Variants in TET2 observed in about 807,000 individuals in gnomAD.
TET2 encodes the protein tet methylcytosine dioxygenase 2, also known as methylcytosine dioxygenase TET2.
In TET2, 299 loss-of-function variants were observed where a neutral mutation model predicts 142.9. That is an observed-to-expected ratio of 2.09 (90% CI 1.90 to 2.30). TET2 has a LOEUF of 2.30. TET2 is among the 30% of genes most tolerant of loss of function. The pLI is 0.00. For synonymous variants in TET2, 819 were observed against 849.0 expected, an observed-to-expected ratio of 0.96 and a Z score of 0.61; for missense variants, 2,418 against 2,378.0, an observed-to-expected ratio of 1.02 and a Z score of -0.35.
intron 1 of TET2, among the ~76,000 whole-genome samples, chr4:105,186,981 T>G (rs1725494903): frequency 2.6e-5 from 4 of 152,208 alleles, no homozygotes; most frequent in South Asian, 2.1e-4. Context: ...GGGACTGTTT[T>G]GGGCATATAA....
chr4:105,211,053 T>G (rs1369498605), intron 2 of TET2, among the ~76,000 whole-genome samples: 2 of 152,104 alleles, frequency 1.3e-5, no homozygotes, highest in African/African-American at 2.4e-5. Context: ...ACACTCCTCT[T>G]GTTCACTGAG....
chr4:105,240,915 G>T (rs180784384), intron 3 of TET2: 34 of 1,081,018 alleles, frequency 3.1e-5, no homozygotes, highest in Non-Finnish European at 3.5e-5. Flanking sequence ...CTGGGGGTGG[G>T]ATAGAGCAGG....
rs1289753268 is a variant in TET2, at chr4:105,269,642, T to C, written c.4077T>C (p.Arg1359=). 2 of 1,551,610 alleles carry C rather than the reference T, an allele frequency of 1.3e-6. No individual in the cohort carries two copies. Among genetic ancestry groups the C allele is most frequent in the East Asian group, 2.4e-5 (1 of 40,910 alleles). ...IEYEHRAPEC[R]LGLKEGRPFS... ...ATGAACACAGAGCACCAGAGTGCCG[T>C]CTGGGTCTGAAGGAAGGCCGTCCAT... The change falls in exon 9 of 11, where the codon CGT becomes CGC. Residue 1359 remains arginine, a synonymous_variant. Coordinates refer to ENST00000380013, the MANE Select transcript of TET2 (RefSeq NM_001127208.3).
chr4:105,243,873 C>A, intron 6 of TET2, 95 bp downstream of exon 6: 1 of 1,162,698 alleles, frequency 8.6e-7, no homozygotes, highest in Non-Finnish European at 1.2e-6. Flanking sequence ...TGCACTTTTA[C>A]ATTTATAAAA....
intron 3 of TET2, chr4:105,240,427 G>A: frequency 2.8e-6 from 3 of 1,074,150 alleles, no homozygotes; most frequent in Non-Finnish European, 3.4e-6. Context: ...GGATAGAGAT[G>A]AAGATCTTAA....
Position 105,243,675 on chromosome 4 carries a change from G to T in TET2, c.3700G>T (p.Glu1234Ter). 1 of 1,551,576 alleles carries T rather than the reference G, an allele frequency of 6.4e-7. No individual in the cohort carries two copies. Among genetic ancestry groups the T allele is most frequent in the Non-Finnish European group, 8.7e-7 (1 of 1,146,950 alleles). Residue 1234 changes from glutamate to a stop codon, truncating the protein, a stop_gained, in exon 6 of 11, where the codon GAA (glutamate) becomes TAA (stop). Coordinates refer to ENST00000380013, the MANE Select transcript of TET2 (RefSeq NM_001127208.3). LOFTEE classifies it high-confidence loss of function. ...GATTGTGATTCTCATCCTGGTGTGG[G>T]AAGGAATCCCGCTGTCTCTGGCTGA... is the stretch of plus-strand genomic sequence containing the variant. ...AVIVILILVWEGIPLSLADKL... is the reference protein window; with the variant it reads ...AVIVILILVW
intron 1 of TET2, among the ~76,000 whole-genome samples, chr4:105,160,594 TTGAC>T (rs1419647682): frequency 6.6e-6 from 1 of 152,234 alleles, no homozygotes; most frequent in Non-Finnish European, 1.5e-5. Context: ...GTTAGCTCAT[TTGAC>T]TGCTTCTTTC....
intron 1 of TET2, among the ~76,000 whole-genome samples, chr4:105,158,863 T>C (rs538265239): frequency 1.3e-5 from 2 of 152,246 alleles, no homozygotes; most frequent in East Asian, 3.9e-4. Context: ...TAGTGATAAT[T>C]CCTTGACATC....
At chr4:105,245,394 G>A (rs1042100049) in intron 6 of TET2, among the ~76,000 whole-genome samples, 16 of 151,336 alleles carry the variant, frequency 1.1e-4, no homozygotes, top group Admixed American at 4.6e-4. Flanking sequence ...GCAATGGTGC[G>A]ATCTCGGCTC....
Position 105,234,365 on chromosome 4 carries a change from CTCCG to C in TET2, c.424_427del (p.Ser142IlefsTer2). The C allele has an allele frequency of 6.2e-7, 1 of 1,614,030 alleles. No individual in the cohort carries two copies. Among genetic ancestry groups the C allele is most frequent in the Non-Finnish European group, 8.5e-7 (1 of 1,180,010 alleles). ...CAGGTGAAAGCAGTCAACCAAATGT[CTCCG>C]ATTTGAGTGATAAGAAAGAATCTGT... On this transcript the variant is annotated frameshift_variant, in exon 3 of 11. Coordinates refer to ENST00000380013, the MANE Select transcript of TET2 (RefSeq NM_001127208.3). LOFTEE classifies it high-confidence loss of function.
intron 1 of TET2, among the ~76,000 whole-genome samples, chr4:105,174,087 C>A (rs1346306252): frequency 6.6e-6 from 1 of 152,032 alleles, no homozygotes; most frequent in Non-Finnish European, 1.5e-5. Context: ...TACCCAAAGC[C>A]TCAATTTGTT....
intron 6 of TET2, among the ~76,000 whole-genome samples, 193 bp from the exon 7 acceptor site, chr4:105,259,426 A>G (rs894919962): frequency 1.3e-5 from 2 of 152,134 alleles, no homozygotes; most frequent in African/African-American, 2.4e-5. Context: ...ACTTTTCTGT[A>G]TGTGTATTAC....
chr4:105,227,605 T>C, intron 2 of TET2, among the ~76,000 whole-genome samples: 1 of 151,030 alleles, frequency 6.6e-6, no homozygotes, highest in African/African-American at 2.5e-5. Context: ...TAGAAGGATG[T>C]TTAATTTCAA....
chr4:105,272,838 CAAAT>C lies in TET2; in HGVS notation c.4461_4464del (p.Asn1487LysfsTer83). 6.4e-7 allele frequency: 1 copy of C among 1,551,106 alleles called. No individual in the cohort carries two copies. The highest frequency in any genetic ancestry group is 8.7e-7 in the Non-Finnish European group (1 of 1,146,866). On this transcript the variant is annotated frameshift_variant, in exon 10 of 11. Coordinates refer to ENST00000380013, the MANE Select transcript of TET2 (RefSeq NM_001127208.3). LOFTEE classifies it high-confidence loss of function. ...AAGCTTTCCTCCCTGGAGAACAGCT[CAAAT>C]AAAAATGAAAAGGAAAAGTCAGCCC...
chr4:105,219,659 T>C (rs186386267), intron 2 of TET2, among the ~76,000 whole-genome samples: 2 of 152,294 alleles, frequency 1.3e-5, no homozygotes, highest in Admixed American at 1.3e-4. Flanking sequence ...GTTTGTTTTT[T>C]GTTTTGCCAT....
rs145626428 is a variant in TET2 at position 105,201,331 on chromosome 4, G to A, written c.-47+10826G>A. Reference sequence around the variant, plus strand: ...ATTGTTTTCTATTGGAGTGGTTCACGCTTATATATTTTAGTTGCTCTAATG... The same window carrying A: ...ATTGTTTTCTATTGGAGTGGTTCACACTTATATATTTTAGTTGCTCTAATG... On this transcript the variant is annotated intron_variant, in intron 2 of 10. Transcript: ENST00000380013. Among the ~76,000 whole-genome samples the A allele has an allele frequency of 1.2e-4, 19 of 152,190 alleles. No individual in the cohort carries two copies. The East Asian group carries it at 2.7e-3, about 22-fold the overall frequency.
chr4:105,162,627 A>T (rs1723911135), intron 1 of TET2, among the ~76,000 whole-genome samples: 1 of 152,230 alleles, frequency 6.6e-6, no homozygotes, highest in South Asian at 2.1e-4. Context: ...AGCTGACTCA[A>T]ACTCTTTTAG....
chr4:105,272,905 TA>T lies in TET2; in HGVS notation c.4527del (p.Lys1509AsnfsTer62). The T allele has an allele frequency of 6.5e-7, 1 of 1,532,158 alleles. No homozygotes were observed. Among genetic ancestry groups the T allele is most frequent in the Non-Finnish European group, 8.8e-7 (1 of 1,139,320 alleles). 94.9% of individuals were successfully genotyped at this position (1,532,158 alleles called of 1,614,324 possible). On this transcript the variant is annotated frameshift_variant, in exon 10 of 11. Coordinates refer to ENST00000380013, the MANE Select transcript of TET2 (RefSeq NM_001127208.3). LOFTEE classifies it low-confidence loss of function (END_TRUNC). Reference sequence around the variant, plus strand: ...AACAAACTGAAAACGCAAGCCAGGCTAAACAGTTGGCAGGTAAATTTAATGT... The same window carrying T: ...AACAAACTGAAAACGCAAGCCAGGCTAACAGTTGGCAGGTAAATTTAATGT... The part of the protein sequence containing the change: ...TKQTENASQA[K>X]QLAELLRLSG...
rs2110300245 is a variant in TET2, at chr4:105,269,613, G to T, written c.4048G>T (p.Glu1350Ter). Residue 1350 changes from glutamate (E) to a stop codon, truncating the protein, a stop_gained, in exon 9 of 11, where the codon GAA becomes TAA. Transcript: ENST00000380013. LOFTEE classifies it high-confidence loss of function. ...CACACACACTTTTATTTTTCAGATT[G>T]AATATGAACACAGAGCACCAGAGTG... is the stretch of plus-strand genomic sequence containing the variant. ...LAPDAYNNQI[E>*]YEHRAPECRL... The T allele has an allele frequency of 6.4e-7, 1 of 1,551,388 alleles. No homozygotes were observed. The highest frequency in any genetic ancestry group is 8.7e-7 in the Non-Finnish European group (1 of 1,146,790).
Sources: allele counts gnomAD v4.1 joint callset (sites outside exome capture counted in the v4.1 genomes callset), GRCh38; gene constraint gnomAD v4.1.1; transcripts MANE v1.5; gene names NCBI Gene and HGNC (gene_info 2026-07-23, HGNC 2026-07-21).